CENPC: variants seen among roughly 807,000 people sequenced by gnomAD.
The protein encoded by CENPC is CENP-C 1.
A neutral mutation model predicts 112.1 loss-of-function variants in CENPC; 63 were observed. The ratio of observed to expected loss-of-function variants is 0.56; its 90% CI spans 0.46 to 0.69. The LOEUF is 0.69. Among genes scored for constraint, CENPC ranks in the 30% least tolerant of loss-of-function variants. The probability of loss-of-function intolerance (pLI) is 0.00; values close to 1 mark genes in which losing one functional copy is unlikely to be tolerated. For synonymous variants in CENPC, 333 were observed against 367.6 expected (o/e 0.91, Z 1.08); for missense variants, 1,000 against 1,103.8 (o/e 0.91, Z 1.33).
chr4:67,537,726 G>T (rs922252612), intron 4 of CENPC, among the ~76,000 whole-genome samples: 7 of 152,190 alleles, frequency 4.6e-5, no homozygotes, highest in African/African-American at 1.7e-4. Context: ...CCCGGAGGCA[G>T]AGGTTGCAGT....
intron 6 of CENPC, 71 bp from the exon 7 acceptor site, chr4:67,518,439 C>A: frequency 7.1e-7 from 1 of 1,413,082 alleles, no homozygotes; most frequent in Non-Finnish European, 9.2e-7. Flanking sequence ...TTCCTGAACT[C>A]CTTTACAGAG....
chr4:67,477,787 A>G (rs1252001575), intron 17 of CENPC, among the ~76,000 whole-genome samples: 3 of 152,194 alleles, frequency 2.0e-5, no homozygotes, highest in Non-Finnish European at 2.9e-5. Context: ...AAACCAACTT[A>G]AAGAATTTTT....
At chr4:67,486,674 G>A (rs958567009) in intron 17 of CENPC, among the ~76,000 whole-genome samples, 1 of 152,154 alleles carries the variant, frequency 6.6e-6, no homozygotes, top group African/African-American at 2.4e-5. Context: ...TCTACTTACA[G>A]GGCCTTACCT....
At chr4:67,508,536 A>AT (rs930738960) in intron 10 of CENPC, among the ~76,000 whole-genome samples, 1 of 150,472 alleles carries the variant, frequency 6.6e-6, no homozygotes, top group Non-Finnish European at 1.5e-5. Flanking sequence ...AAAAAAAAAA[A>AT]GTTTAACTCT....
intron 4 of CENPC, 34 bp downstream of exon 4, chr4:67,539,806 A>G (rs368141835): frequency 1.0e-5 from 12 of 1,167,198 alleles, no homozygotes; most frequent in African/African-American, 3.2e-5. Flanking sequence ...TCATTAAAAT[A>G]TTAAACCTAT....
chr4:67,535,927 G>A (rs1726705923), intron 4 of CENPC, among the ~76,000 whole-genome samples: 1 of 152,122 alleles, frequency 6.6e-6, no homozygotes, highest in Admixed American at 6.6e-5. Flanking sequence ...CTTGGAGGAG[G>A]AAAAGTGGGG....
chr4:67,481,319 A>G (rs1468078593), intron 17 of CENPC, among the ~76,000 whole-genome samples: 1 of 152,192 alleles, frequency 6.6e-6, no homozygotes, highest in Non-Finnish European at 1.5e-5. Flanking sequence ...TGTGAAAATG[A>G]CATACTGCCA....
chr4:67,474,219 C>G (rs1438376104), intron 18 of CENPC, among the ~76,000 whole-genome samples: 2 of 152,034 alleles, frequency 1.3e-5, no homozygotes, highest in African/African-American at 2.4e-5. Context: ...TGTCCGCCAC[C>G]ACGCCCAGCT....
rs1366619978 is a variant in CENPC at position 67,471,591 on chromosome 4, A to T, written c.*1014T>A. On this transcript the variant is annotated 3_prime_UTR_variant, in exon 19 of 19. Coordinates refer to ENST00000273853, the MANE Select transcript of CENPC (RefSeq NM_001812.4). Reference sequence around the variant, plus strand: ...AGAGAAATCACAATAGAAAATTATAAAGTATAAAAAAAGAGCCATCACACT... The same window carrying T: ...AGAGAAATCACAATAGAAAATTATATAGTATAAAAAAAGAGCCATCACACT... 1 of 152,142 alleles carries T rather than the reference A, an allele frequency of 6.6e-6. No homozygotes were observed. The highest frequency in any genetic ancestry group is 1.5e-5 in the Non-Finnish European group (1 of 68,032). The allele number at this position is 152,142 out of a possible 1,614,324, so 9.4% of individuals were successfully genotyped here. A position where few individuals can be genotyped will look rare whatever the true frequency, so the allele number is the denominator to read the frequency against.
At chr4:67,473,771 C>T (rs1039352507) in intron 18 of CENPC, among the ~76,000 whole-genome samples, 11 of 151,968 alleles carry the variant, frequency 7.2e-5, no homozygotes, top group African/African-American at 2.4e-4. Flanking sequence ...AGGCTGGTCC[C>T]GAACTCCTCA....
In CENPC at chr4:67,486,968, G is replaced by GTTTTTTTTTTTT. The variant is rs58948980; in HGVS notation, c.2670+2987_2670+2998dup. 4.6e-5 allele frequency among the ~76,000 whole-genome samples: 6 copies of GTTTTTTTTTTTT among 131,820 alleles called. 2 individuals are homozygous for GTTTTTTTTTTTT. The highest frequency in any genetic ancestry group is 6.3e-5 in the Non-Finnish European group (4 of 63,742). The allele number at this position is 131,820 out of a possible 152,430, so 86.5% of individuals were successfully genotyped here. A position where few individuals can be genotyped will look rare whatever the true frequency, so the allele number is the denominator to read the frequency against. The stretch of plus-strand genomic sequence containing the variant: ...ATTCAGGTTTTGTATTTGCTTTTAG[G>GTTTTTTTTTTTT]TTTTTTTTTTTTTTTTTCTTTTTTA... On this transcript the variant is annotated intron_variant, in intron 17 of 18. Transcript: ENST00000273853.
chr4:67,491,480 T>TAGAGAGAGAGAGAGAGAGAG lies in CENPC; in HGVS notation c.2515+680_2515+699dup, dbSNP rs71219046. On this transcript the variant is annotated intron_variant, in intron 16 of 18. Coordinates refer to ENST00000273853, the MANE Select transcript of CENPC (RefSeq NM_001812.4). ...ATATATATATATATATATATATATA[T>TAGAGAGAGAGAGAGAGAGAG]AGAGAGAGAGAGAGAGAGAGAGAGA... is the stretch of plus-strand genomic sequence containing the variant. Among the ~76,000 whole-genome samples, 7 of 18,096 alleles carry TAGAGAGAGAGAGAGAGAGAG rather than the reference T, an allele frequency of 3.9e-4. 1 individual carries two copies. The highest frequency in any genetic ancestry group is 6.3e-4 in the Non-Finnish European group (6 of 9,594). The allele number at this position is 18,096 out of a possible 152,430, so 11.9% of individuals were successfully genotyped here. A position where few individuals can be genotyped will look rare whatever the true frequency, so the allele number is the denominator to read the frequency against.
intron 5 of CENPC, among the ~76,000 whole-genome samples, chr4:67,526,534 A>G (rs1726386287): frequency 6.6e-6 from 1 of 152,088 alleles, no homozygotes. Flanking sequence ...AAGTTCTTGA[A>G]AAAAAAATCT....
At chr4:67,495,329 G>C (rs564093711) in intron 12 of CENPC, 117 bp from the exon 13 acceptor site, 4 of 937,604 alleles carry the variant, frequency 4.3e-6, no homozygotes, top group South Asian at 1.7e-5. Context: ...ACCTGATAAT[G>C]TATTTTATTA....
rs916829682 is a variant in CENPC at position 67,491,327 on chromosome 4, C to T, written c.2515+853G>A. 7.3e-5 allele frequency among the ~76,000 whole-genome samples: 11 copies of T among 150,676 alleles called. No homozygotes were observed. The Admixed American group carries it at 7.3e-4, about 10-fold the overall frequency. The stretch of plus-strand genomic sequence containing the variant: ...CAGCTGGGACTACAAGCACCCACCA[C>T]CACGCCCAGCTACCATTACCGCGTT... On this transcript the variant is annotated intron_variant, in intron 16 of 18. Coordinates refer to ENST00000273853, the MANE Select transcript of CENPC (RefSeq NM_001812.4).
chr4:67,522,742 G>A (rs550136743), intron 5 of CENPC, among the ~76,000 whole-genome samples: 2 of 152,336 alleles, frequency 1.3e-5, no homozygotes, highest in East Asian at 3.9e-4. Context: ...GCTCATGCCT[G>A]TAATCCCAGC....
At chr4:67,520,684 C>CTATCATT (rs1553896347) in intron 5 of CENPC, among the ~76,000 whole-genome samples, 3 of 152,124 alleles carry the variant, frequency 2.0e-5, no homozygotes, top group Non-Finnish European at 4.4e-5. Context: ...TTACTCTGAA[C>CTATCATT]ACTTAACTAT....
intron 17 of CENPC, among the ~76,000 whole-genome samples, chr4:67,487,316 T>A (rs530934238): frequency 9.9e-5 from 15 of 151,754 alleles, no homozygotes; most frequent in Non-Finnish European, 1.5e-4. Context: ...AAATTTTTGT[T>A]GTAGTAGTAG....
Position 67,494,007 on chromosome 4 carries a change from C to T in CENPC, c.2186-19G>A. The T allele has an allele frequency of 6.5e-7, 1 of 1,539,442 alleles. No individual in the cohort carries two copies. Among genetic ancestry groups the T allele is most frequent in the Non-Finnish European group, 8.9e-7 (1 of 1,121,118 alleles). On this transcript the variant is annotated intron_variant, in intron 13 of 18. Transcript: ENST00000273853. ...GGCAATACTATAAAAAGATGTCAGACAAAAGTGTATACATAGTTTTTAGTT... is the reference window on the plus strand; with the variant it reads ...GGCAATACTATAAAAAGATGTCAGATAAAAGTGTATACATAGTTTTTAGTT...
Sources: allele counts gnomAD v4.1 joint callset (sites outside exome capture counted in the v4.1 genomes callset), GRCh38; gene constraint gnomAD v4.1.1; transcripts MANE v1.5; gene names NCBI Gene and HGNC (gene_info 2026-07-23, HGNC 2026-07-21).